Variants in MYO10 observed in about 807,000 individuals in gnomAD.
MYO10 encodes unconventional myosin-X.
Under a neutral mutation model 257.3 loss-of-function variants are expected in MYO10, and 133 were observed. The ratio of observed to expected loss-of-function variants is 0.52; its 90% CI spans 0.45 to 0.60. The LOEUF is 0.60. Ranked by LOEUF, MYO10 falls within the 20% of genes least tolerant of loss-of-function variation. The pLI is 0.00. For missense variants in MYO10, 2,399 were observed against 2,635.7 expected, an observed-to-expected ratio of 0.91 and a Z score of 1.97; for synonymous variants, 1,104 against 1,028.6, an observed-to-expected ratio of 1.07 and a Z score of -1.40.
chr5:16,756,816 C>A (rs1377474804), intron 18 of MYO10, among the ~76,000 whole-genome samples: 1 of 152,006 alleles, frequency 6.6e-6, no homozygotes, highest in Non-Finnish European at 1.5e-5. Context: ...TTCAAAAACC[C>A]AAGGGTGGGT....
At chr5:16,698,623 G>GTTTTTTTTTTTTT (rs5866202) in intron 26 of MYO10, among the ~76,000 whole-genome samples, 3 of 113,820 alleles carry the variant, frequency 2.6e-5, no homozygotes, top group African/African-American at 3.8e-5. Context: ...AGAACATGCA[G>GTTTTTTTTTTTTT]TTTTTTTTTT....
intron 1 of MYO10, among the ~76,000 whole-genome samples, chr5:16,934,734 G>C (rs546454497): frequency 9.2e-5 from 14 of 152,234 alleles, no homozygotes; most frequent in Non-Finnish European, 1.6e-4. Flanking sequence ...TGGCCAGTAT[G>C]AATAGCTGTC....
In MYO10 at chr5:16,935,820, A is replaced by C; in HGVS notation, c.-12T>G. 6.2e-7 allele frequency: 1 copy of C among 1,612,958 alleles called. No individual in the cohort carries two copies. Among genetic ancestry groups the C allele is most frequent in the Non-Finnish European group, 8.5e-7 (1 of 1,179,606 alleles). ...AAGAAGTTATCCATTGTTCCAGCGC[A>C]GTCCCGGACTCGCCGAGTGCCGCTC... On this transcript the variant is annotated 5_prime_UTR_variant, in exon 1 of 41. Transcript: ENST00000513610.
intron 22 of MYO10, 51 bp downstream of exon 22, chr5:16,704,528 G>A: frequency 6.7e-7 from 1 of 1,482,068 alleles, no homozygotes; most frequent in East Asian, 2.3e-5. Context: ...TGGGAAGGAA[G>A]GACCCCCTCA....
chr5:16,838,349 T>G (rs996101124), intron 2 of MYO10, among the ~76,000 whole-genome samples: 1 of 152,222 alleles, frequency 6.6e-6, no homozygotes, highest in Admixed American at 6.5e-5. Flanking sequence ...ACAGTCTTGT[T>G]GCTGACATAG....
chr5:16,769,314 C>CA (rs1740976844), intron 9 of MYO10, 111 bp from the exon 10 acceptor site: 7 of 1,194,800 alleles, frequency 5.9e-6, no homozygotes, highest in Non-Finnish European at 7.8e-6. Flanking sequence ...GGCAAAGAAA[C>CA]AAAAAATAGA....
intron 19 of MYO10, among the ~76,000 whole-genome samples, chr5:16,738,576 G>A (rs184223348): frequency 7.9e-5 from 12 of 151,934 alleles, no homozygotes; most frequent in Admixed American, 7.9e-4. Context: ...GGGGAGGCAA[G>A]ACAAAGTTAA....
At chr5:16,806,719 G>A (rs1742288583) in intron 3 of MYO10, among the ~76,000 whole-genome samples, 1 of 151,574 alleles carries the variant, frequency 6.6e-6, no homozygotes, top group Non-Finnish European at 1.5e-5. Flanking sequence ...GATGCTTATA[G>A]AGACCAAGGG....
chr5:16,663,096 A>AT lies in MYO10; in HGVS notation c.*3595dup, dbSNP rs1237083428. ...GAATAAGGCAATTCTATAGGTATTA[A>AT]TGTAGGATTAGAGCTAAAATACTAT... On this transcript the variant is annotated 3_prime_UTR_variant, in exon 41 of 41. Transcript: ENST00000513610. 3 of 152,210 alleles carry AT rather than the reference A, an allele frequency of 2.0e-5. No individual in the cohort carries two copies. The highest frequency in any genetic ancestry group is 7.2e-5 in the African/African-American group (3 of 41,452). The allele number at this position is 152,210 out of a possible 1,614,324, so 9.4% of individuals were successfully genotyped here.
chr5:16,777,728 T>C (rs145384124), intron 9 of MYO10, among the ~76,000 whole-genome samples: 1 of 152,090 alleles, frequency 6.6e-6, no homozygotes, highest in African/African-American at 2.4e-5. Context: ...ATGAGAGTGA[T>C]TGGAAAGTAA....
At chr5:16,838,782 A>G (rs1405567723) in intron 2 of MYO10, among the ~76,000 whole-genome samples, 1 of 152,174 alleles carries the variant, frequency 6.6e-6, no homozygotes, top group Non-Finnish European at 1.5e-5. Flanking sequence ...GCAAATGAGG[A>G]CTTTAAGTTG....
chr5:16,674,745 T>TA, intron 35 of MYO10, 108 bp downstream of exon 35: 1 of 1,280,984 alleles, frequency 7.8e-7, no homozygotes, highest in Non-Finnish European at 1.1e-6. Context: ...GTCCCTGTCC[T>TA]ACTAGAGGTG....
At chr5:16,733,288 A>C (rs1739659835) in intron 19 of MYO10, among the ~76,000 whole-genome samples, 1 of 152,214 alleles carries the variant, frequency 6.6e-6, no homozygotes, top group Admixed American at 6.5e-5. Flanking sequence ...GGGGCTTGAG[A>C]AATCACCCCA....
intron 27 of MYO10, among the ~76,000 whole-genome samples, chr5:16,690,955 C>T (rs1298125065): frequency 1.3e-5 from 2 of 152,080 alleles, no homozygotes; most frequent in Non-Finnish European, 2.9e-5. Context: ...ATAAAGCCAG[C>T]TTGCTCTGAT....
intron 1 of MYO10, among the ~76,000 whole-genome samples, chr5:16,918,227 C>T (rs530013011): frequency 1.3e-4 from 20 of 152,220 alleles, no homozygotes; most frequent in African/African-American, 4.3e-4. Context: ...TCCAAAAGCC[C>T]AAAGCTGTGA....
At chr5:16,757,581 C>T (rs1225916856) in intron 18 of MYO10, among the ~76,000 whole-genome samples, 1 of 152,100 alleles carries the variant, frequency 6.6e-6, no homozygotes, top group Non-Finnish European at 1.5e-5. Flanking sequence ...ATTTCAAAAG[C>T]TTAGAAGAAA....
chr5:16,837,015 A>G (rs1179136446), intron 2 of MYO10, among the ~76,000 whole-genome samples: 2 of 152,212 alleles, frequency 1.3e-5, no homozygotes, highest in East Asian at 3.8e-4. Context: ...GGCAATAAAA[A>G]TGATGTACTG....
At chr5:16,769,709 A>G (rs1205102525) in intron 9 of MYO10, among the ~76,000 whole-genome samples, 4 of 152,176 alleles carry the variant, frequency 2.6e-5, no homozygotes, top group East Asian at 1.9e-4. Flanking sequence ...ATAAAGAACT[A>G]TAGCATGCTC....
At chr5:16,671,330 T>C in intron 38 of MYO10, 92 bp downstream of exon 38, 5 of 1,463,460 alleles carry the variant, frequency 3.4e-6, no homozygotes, top group Non-Finnish European at 4.6e-6. Flanking sequence ...TGTGCCTCAT[T>C]TCTAAGTACC....
Sources: gnomAD v4.1 joint callset for allele counts (sites outside exome capture counted in the v4.1 genomes callset) on GRCh38, gnomAD v4.1.1 for gene constraint, MANE v1.5 for transcripts, NCBI Gene and HGNC (gene_info 2026-07-23, HGNC 2026-07-21) for gene names.